Variants in FTO observed in about 807,000 individuals in gnomAD.
The protein encoded by FTO is FTO alpha-ketoglutarate dependent dioxygenase, also known as alpha-ketoglutarate-dependent dioxygenase FTO.
FTO carries 47 observed loss-of-function variants against 63.9 expected under a neutral mutation model. The observed-to-expected ratio is 0.74, with a 90% CI of 0.58 to 0.94. The LOEUF (loss-of-function observed/expected upper bound fraction) is 0.94, where lower values mean the gene tolerates loss of function less well. Among genes scored for constraint, FTO ranks in the 40% least tolerant of loss-of-function variants. The pLI, the probability that FTO is intolerant of heterozygous loss-of-function variation, is 0.00. For synonymous variants in FTO, 207 were observed against 224.4 expected (o/e 0.92, Z 0.69); for missense variants, 562 against 618.1 (o/e 0.91, Z 0.96).
chr16:54,080,495 G>T (rs988593596), intron 8 of FTO, among the ~76,000 whole-genome samples: 2 of 152,116 alleles, frequency 1.3e-5, no homozygotes, highest in Non-Finnish European at 2.9e-5. Context: ...ATTTTCCCAC[G>T]TTCAGTTGTA....
intron 1 of FTO, among the ~76,000 whole-genome samples, chr16:53,790,579 C>CAAAAAAAAAAA (rs34860208): frequency 2.0e-4 from 11 of 55,102 alleles, no homozygotes; most frequent in South Asian, 9.3e-4. Flanking sequence ...CAAAATAAAG[C>CAAAAAAAAAAA]AAAAAAAAAA....
At chr16:54,072,241 A>G (rs541038523) in intron 8 of FTO, 1 of 152,324 alleles carries the variant, frequency 6.6e-6, no homozygotes, top group East Asian at 1.9e-4. Flanking sequence ...TCTTTAATTA[A>G]GACCTCCTAA....
At chr16:53,767,463 C>G (rs2077235490) in intron 1 of FTO, among the ~76,000 whole-genome samples, 1 of 151,970 alleles carries the variant, frequency 6.6e-6, no homozygotes, top group Non-Finnish European at 1.5e-5. Context: ...TGTAACTAAC[C>G]TGCACGTTGT....
intron 8 of FTO, among the ~76,000 whole-genome samples, chr16:54,041,454 C>G (rs938732668): frequency 6.6e-6 from 1 of 152,264 alleles, no homozygotes; most frequent in Middle Eastern, 3.4e-3. Flanking sequence ...CAAACCATAT[C>G]ACATGTTAAA....
At chr16:54,048,126 T>TAAAAAAAAAAAAAAAAAAAAAA (rs71380060) in intron 8 of FTO, among the ~76,000 whole-genome samples, 1 of 56,468 alleles carries the variant, frequency 1.8e-5, no homozygotes. Flanking sequence ...AAAAAAAAAT[T>TAAAAAAAAAAAAAAAAAAAAAA]AAAAAAAAAA....
chr16:53,809,018 T>C (rs1028357843), intron 1 of FTO, among the ~76,000 whole-genome samples: 1 of 152,214 alleles, frequency 6.6e-6, no homozygotes, highest in Non-Finnish European at 1.5e-5. Context: ...ACTCCATATA[T>C]TCTTGAATGT....
At chr16:53,740,994 C>T (rs8051422) in intron 1 of FTO, among the ~76,000 whole-genome samples, 5 of 151,722 alleles carry the variant, frequency 3.3e-5, no homozygotes, top group East Asian at 1.9e-4. Context: ...GTTTTTTAAT[C>T]GACCTTGAGC....
At chr16:53,911,112 C>T (rs2081686111) in intron 7 of FTO, 1 of 427,530 alleles carries the variant, frequency 2.3e-6, no homozygotes, top group Non-Finnish European at 4.2e-6. Context: ...TGATTTATGT[C>T]TGCAGTAGGC....
intron 7 of FTO, among the ~76,000 whole-genome samples, chr16:53,893,707 C>T (rs1459730690): frequency 2.0e-5 from 3 of 151,068 alleles, no homozygotes; most frequent in Non-Finnish European, 2.9e-5. Flanking sequence ...TGGAAATATT[C>T]GACAATCGTT....
chr16:53,726,034 TG>T (rs1412499146), intron 1 of FTO, among the ~76,000 whole-genome samples: 1 of 152,210 alleles, frequency 6.6e-6, no homozygotes, highest in Non-Finnish European at 1.5e-5. Context: ...ACAGGTTATA[TG>T]TTAATGCACA....
chr16:53,770,403 C>T (rs547279411), intron 1 of FTO, among the ~76,000 whole-genome samples: 12 of 152,044 alleles, frequency 7.9e-5, no homozygotes, highest in Non-Finnish European at 7.4e-5. Context: ...TAAATTCAAA[C>T]GAAAAATCTT....
chr16:53,758,318 G>A (rs939492246), intron 1 of FTO, among the ~76,000 whole-genome samples: 1 of 152,110 alleles, frequency 6.6e-6, no homozygotes, highest in Admixed American at 6.6e-5. Context: ...ATAAGCCATC[G>A]ACTAATTGAA....
intron 8 of FTO, among the ~76,000 whole-genome samples, chr16:54,024,214 T>C (rs1204635205): frequency 1.3e-5 from 2 of 152,078 alleles, no homozygotes; most frequent in Non-Finnish European, 2.9e-5. Flanking sequence ...ATGTCTAGGC[T>C]GTTTTTCTGT....
chr16:53,990,451 A>C (rs2083781544), intron 8 of FTO, among the ~76,000 whole-genome samples: 1 of 152,018 alleles, frequency 6.6e-6, no homozygotes, highest in African/African-American at 2.4e-5. Context: ...TTCTGACTTC[A>C]ATTGTAGGTC....
intron 8 of FTO, among the ~76,000 whole-genome samples, chr16:54,080,894 C>T (rs1339773840): frequency 6.6e-6 from 1 of 152,094 alleles, no homozygotes; most frequent in African/African-American, 2.4e-5. Flanking sequence ...AGTCAACATC[C>T]CTCTGGAAGA....
At chr16:53,927,057 G>A (rs978865276) in intron 7 of FTO, among the ~76,000 whole-genome samples, 1 of 152,142 alleles carries the variant, frequency 6.6e-6, no homozygotes, top group African/African-American at 2.4e-5. Context: ...TTATTTAAGA[G>A]GAAGTAACAT....
chr16:53,819,397 C>T (rs8049664), intron 2 of FTO, among the ~76,000 whole-genome samples: 57,121 of 152,044 alleles, frequency 0.38, 11,187 homozygotes, highest in Middle Eastern at 0.51. Context: ...GTCTCGAGCT[C>T]GTCAGCTCAA....
At chr16:53,760,525 C>A (rs996982537) in intron 1 of FTO, among the ~76,000 whole-genome samples, 3 of 151,650 alleles carry the variant, frequency 2.0e-5, no homozygotes, top group African/African-American at 4.8e-5. Flanking sequence ...GGATTACAGG[C>A]GTGAGCCACC....
At chr16:54,029,767 T>C (rs1365472116) in intron 8 of FTO, among the ~76,000 whole-genome samples, 1 of 152,184 alleles carries the variant, frequency 6.6e-6, no homozygotes, top group Admixed American at 6.5e-5. Context: ...AACTACAAGA[T>C]TAGCTAATAT....
Sources: gnomAD v4.1 joint callset for allele counts (sites outside exome capture counted in the v4.1 genomes callset) on GRCh38, gnomAD v4.1.1 for gene constraint, MANE v1.5 for transcripts, NCBI Gene and HGNC (gene_info 2026-07-23, HGNC 2026-07-21) for gene names.